The following SLC2A13 variants were observed in gnomAD, a reference collection of about 807,000 sequenced individuals.
SLC2A13 encodes proton myo-inositol cotransporter.
In SLC2A13, 32 loss-of-function variants were observed where a neutral mutation model predicts 64.4. That is an observed-to-expected ratio of 0.50 (90% CI 0.37 to 0.67). The LOEUF (loss-of-function observed/expected upper bound fraction) is 0.67, where lower values mean the gene tolerates loss of function less well. Ranked by LOEUF, SLC2A13 falls within the 30% of genes least tolerant of loss-of-function variation. The pLI is 0.00. For synonymous variants in SLC2A13, 338 were observed against 327.1 expected, an observed-to-expected ratio of 1.03 and a Z score of -0.36; for missense variants, 743 against 829.2, an observed-to-expected ratio of 0.90 and a Z score of 1.28.
chr12:40,094,817 C>G (rs1413945502), intron 1 of SLC2A13, among the ~76,000 whole-genome samples: 1 of 152,108 alleles, frequency 6.6e-6, no homozygotes, highest in Non-Finnish European at 1.5e-5. Flanking sequence ...TGGGAATAAC[C>G]CAGTAGAAGA....
intron 2 of SLC2A13, among the ~76,000 whole-genome samples, chr12:40,038,853 A>G (rs1948034805): frequency 6.6e-6 from 1 of 152,176 alleles, no homozygotes; most frequent in Non-Finnish European, 1.5e-5. Context: ...GCAGTCTACA[A>G]ATGTCAGTTT....
At chr12:39,941,909 G>C (rs543005912) in intron 4 of SLC2A13, among the ~76,000 whole-genome samples, 2 of 152,300 alleles carry the variant, frequency 1.3e-5, no homozygotes, top group African/African-American at 2.4e-5. Context: ...TGAGGATCCA[G>C]TTTCATTCTC....
chr12:39,882,133 G>A (rs1364944873), intron 4 of SLC2A13, among the ~76,000 whole-genome samples: 1 of 151,752 alleles, frequency 6.6e-6, no homozygotes, highest in Non-Finnish European at 1.5e-5. Context: ...ACTCATTCCT[G>A]CCCCTTACCC....
At chr12:39,838,580 A>T (rs1336450547) in intron 6 of SLC2A13, among the ~76,000 whole-genome samples, 1 of 152,052 alleles carries the variant, frequency 6.6e-6, no homozygotes, top group African/African-American at 2.4e-5. Context: ...ATATATTTAG[A>T]ACAAAACTGG....
chr12:39,932,196 T>C (rs916960825), intron 4 of SLC2A13, among the ~76,000 whole-genome samples: 1 of 152,172 alleles, frequency 6.6e-6, no homozygotes, highest in African/African-American at 2.4e-5. Context: ...AAGTAGGAAA[T>C]AGAAAATGGA....
chr12:39,841,417 G>T (rs1238006927), intron 6 of SLC2A13, among the ~76,000 whole-genome samples: 1 of 152,140 alleles, frequency 6.6e-6, no homozygotes, highest in Non-Finnish European at 1.5e-5. Flanking sequence ...AAGAAAAAGA[G>T]AGCTGTATTT....
intron 1 of SLC2A13, among the ~76,000 whole-genome samples, chr12:40,064,513 C>T (rs951337303): frequency 2.4e-4 from 34 of 142,154 alleles, no homozygotes; most frequent in Non-Finnish European, 4.7e-4. Flanking sequence ...TAACAGACTC[C>T]CACAGTGCAA....
intron 7 of SLC2A13, among the ~76,000 whole-genome samples, chr12:39,781,310 A>G (rs1592131390): frequency 6.6e-6 from 1 of 152,136 alleles, no homozygotes; most frequent in African/African-American, 2.4e-5. Context: ...CACAAAGAAA[A>G]TCATGTCACA....
intron 7 of SLC2A13, among the ~76,000 whole-genome samples, chr12:39,781,719 A>T (rs919600360): frequency 1.3e-5 from 2 of 152,224 alleles, no homozygotes; most frequent in Admixed American, 1.3e-4. Flanking sequence ...ACACACAAAC[A>T]CATAGACAAG....
intron 4 of SLC2A13, among the ~76,000 whole-genome samples, chr12:39,923,630 T>C (rs926469723): frequency 6.7e-6 from 1 of 149,938 alleles, no homozygotes; most frequent in Admixed American, 6.7e-5. Flanking sequence ...AATTGTACGC[T>C]CAAGAATGGT....
chr12:39,936,923 A>T (rs1945927469), intron 4 of SLC2A13, among the ~76,000 whole-genome samples: 1 of 152,190 alleles, frequency 6.6e-6, no homozygotes, highest in Non-Finnish European at 1.5e-5. Context: ...ACTACAGATT[A>T]GGTCTTCTTT....
At chr12:39,772,451 T>C (rs1940617674) in intron 7 of SLC2A13, among the ~76,000 whole-genome samples, 1 of 152,146 alleles carries the variant, frequency 6.6e-6, no homozygotes, top group African/African-American at 2.4e-5. Context: ...CATAATACCC[T>C]ATGTAGAGAT....
intron 4 of SLC2A13, among the ~76,000 whole-genome samples, chr12:39,928,485 G>T (rs1205909885): frequency 6.6e-6 from 1 of 152,096 alleles, no homozygotes; most frequent in Non-Finnish European, 1.5e-5. Context: ...ATGCTCTACT[G>T]CACAGAGTTA....
At chr12:39,978,739 C>T (rs1946819739) in intron 3 of SLC2A13, among the ~76,000 whole-genome samples, 1 of 152,194 alleles carries the variant, frequency 6.6e-6, no homozygotes, top group Non-Finnish European at 1.5e-5. Flanking sequence ...GGCAGCAAGG[C>T]TGGGGGAGAG....
At chr12:40,055,773 CTGTTTA>C (rs1432169731) in intron 1 of SLC2A13, among the ~76,000 whole-genome samples, 1 of 152,040 alleles carries the variant, frequency 6.6e-6, no homozygotes, top group East Asian at 1.9e-4. Flanking sequence ...CTGTTTAAAT[CTGTTTA>C]TAACTGTCAG....
chr12:39,837,768 A>G (rs1437128171), intron 6 of SLC2A13, among the ~76,000 whole-genome samples: 1 of 152,246 alleles, frequency 6.6e-6, no homozygotes, highest in Non-Finnish European at 1.5e-5. Context: ...CATCAGAGAA[A>G]TGCAAATCAA....
chr12:39,960,566 G>A (rs545626075), intron 3 of SLC2A13, among the ~76,000 whole-genome samples: 1 of 152,144 alleles, frequency 6.6e-6, no homozygotes, highest in African/African-American at 2.4e-5. Flanking sequence ...TTCTAGTAGA[G>A]ACAGGGTTTC....
intron 4 of SLC2A13, among the ~76,000 whole-genome samples, chr12:39,901,992 C>T (rs1278730059): frequency 2.0e-5 from 3 of 151,998 alleles, no homozygotes; most frequent in Non-Finnish European, 2.9e-5. Flanking sequence ...CACATATACA[C>T]CATGGAATAC....
At chr12:40,055,945 A>G (rs1347209725) in intron 1 of SLC2A13, among the ~76,000 whole-genome samples, 1 of 151,656 alleles carries the variant, frequency 6.6e-6, no homozygotes, top group Non-Finnish European at 1.5e-5. Flanking sequence ...AGCTGCTTGC[A>G]TAACAACTAA....
Sources: gnomAD v4.1 joint callset for allele counts (sites outside exome capture counted in the v4.1 genomes callset) on GRCh38, gnomAD v4.1.1 for gene constraint, MANE v1.5 for transcripts, NCBI Gene and HGNC (gene_info 2026-07-23, HGNC 2026-07-21) for gene names.